DUSP4: variants seen among roughly 807,000 people sequenced by gnomAD.
DUSP4 encodes the protein dual specificity protein phosphatase 4.
A neutral mutation model predicts 27.2 loss-of-function variants in DUSP4; 12 were observed. The observed-to-expected ratio is 0.44, with a 90% confidence interval of 0.28 to 0.71. The LOEUF is 0.71. Ranked by LOEUF, DUSP4 falls within the 30% of genes least tolerant of loss-of-function variation. The pLI, the probability that DUSP4 is intolerant of heterozygous loss-of-function variation, is 0.14. For missense variants in DUSP4, 448 were observed against 551.3 expected (o/e 0.81, Z 1.88); for synonymous variants, 257 against 245.2 (o/e 1.05, Z -0.45).
At chr8:29,341,701 T>C (rs1817658115) in intron 1 of DUSP4, among the ~76,000 whole-genome samples, 1 of 152,014 alleles carries the variant, frequency 6.6e-6, no homozygotes, top group South Asian at 2.1e-4. Context: ...CTCCCTCCCA[T>C]CATAAACCCC....
intron 1 of DUSP4, chr8:29,345,503 T>C: frequency 6.3e-7 from 1 of 1,586,526 alleles, no homozygotes; most frequent in Non-Finnish European, 8.5e-7. Context: ...CAAACTGGCT[T>C]CCGTTGGAGT....
intron 1 of DUSP4, among the ~76,000 whole-genome samples, chr8:29,345,112 C>T (rs529041969): frequency 6.6e-6 from 1 of 152,326 alleles, no homozygotes; most frequent in Non-Finnish European, 1.5e-5. Flanking sequence ...TGTGAGCCAC[C>T]ACACCCGGCC....
rs1237899938 is a variant in DUSP4, at chr8:29,338,288, A to G, written c.793T>C (p.Tyr265His). The change falls in exon 3 of 4, where the codon TAC becomes CAC. Residue 265 changes from tyrosine (Y) to histidine (H), a missense_variant. Coordinates refer to ENST00000240100, the MANE Select transcript of DUSP4 (RefSeq NM_001394.7). The part of the protein sequence containing the change: ...ISSWFMEAIE[Y>H]IDAVKDCRGR... ...CAGAGCAGGGCCAGCCTACCGATGT[A>G]CTCTATGGCTTCCATGAACCAGGAG... 6.2e-7 allele frequency: 1 copy of G among 1,613,760 alleles called. No homozygotes were observed.
chr8:29,342,444 G>A (rs903447096), intron 1 of DUSP4, among the ~76,000 whole-genome samples: 1 of 152,148 alleles, frequency 6.6e-6, no homozygotes, highest in African/African-American at 2.4e-5. Context: ...TTCCCTTCTC[G>A]GTGCCTACAT....
Position 29,350,598 on chromosome 8 carries a change from T to A in DUSP4, c.-320A>T. Reference sequence around the variant, plus strand: ...TTTCGGCGACGGCCTCCCGTGTATTTTTGCCGGTCGCGCGGCTCCTGTCGC... The same window carrying A: ...TTTCGGCGACGGCCTCCCGTGTATTATTGCCGGTCGCGCGGCTCCTGTCGC... On this transcript the variant is annotated 5_prime_UTR_variant, in exon 1 of 4. Coordinates refer to ENST00000240100, the MANE Select transcript of DUSP4 (RefSeq NM_001394.7). The A allele has an allele frequency of 6.5e-6, 2 of 305,890 alleles. No individual in the cohort carries two copies. Among genetic ancestry groups the A allele is most frequent in the Non-Finnish European group, 1.2e-5 (2 of 167,392 alleles). The allele number at this position is 305,890 out of a possible 1,614,324, so 18.9% of individuals were successfully genotyped here.
In DUSP4 at chr8:29,337,593, A is replaced by G. The variant is rs923749534; in HGVS notation, c.800-182T>C. On this transcript the variant is annotated intron_variant, in intron 3 of 3. Coordinates refer to ENST00000240100, the MANE Select transcript of DUSP4 (RefSeq NM_001394.7). The surrounding 1 kb of genome is among the most constrained non-coding windows in gnomAD (Gnocchi z 6.4). ...TAGAATGCCCCCAATTCTGAGGTCT[A>G]TTTTCCCGAATCACTATGCTGAAGC... Among the ~76,000 whole-genome samples, 1 of 152,280 alleles carries G rather than the reference A, an allele frequency of 6.6e-6. No individual in the cohort carries two copies. The highest frequency in any genetic ancestry group is 1.9e-4 in the East Asian group (1 of 5,176).
chr8:29,342,966 G>A (rs1352631104), intron 1 of DUSP4, among the ~76,000 whole-genome samples: 1 of 152,122 alleles, frequency 6.6e-6, no homozygotes, highest in Admixed American at 6.5e-5. Flanking sequence ...AGGAGATCGA[G>A]ACCATCCTGG....
chr8:29,343,411 C>T (rs563167583), intron 1 of DUSP4, among the ~76,000 whole-genome samples: 2 of 152,196 alleles, frequency 1.3e-5, no homozygotes, highest in South Asian at 2.1e-4. Flanking sequence ...GAAGGTGATG[C>T]GGGAGGATGC....
At chr8:29,341,619 C>G (rs1264564650) in intron 1 of DUSP4, among the ~76,000 whole-genome samples, 1 of 152,204 alleles carries the variant, frequency 6.6e-6, no homozygotes, top group Non-Finnish European at 1.5e-5. Context: ...GGAAAACCTG[C>G]TGGTGGGGCT....
At chr8:29,338,133 A>G in intron 3 of DUSP4, 149 bp downstream of exon 3, 1 of 785,242 alleles carries the variant, frequency 1.3e-6, no homozygotes, top group Non-Finnish European at 2.0e-6. Context: ...CCAACATCCA[A>G]TGTATAAGCC....
intron 1 of DUSP4, chr8:29,345,993 C>T (rs987189421): frequency 1.3e-6 from 1 of 773,880 alleles, no homozygotes; most frequent in Admixed American, 8.9e-5. Context: ...AAAAGGTATG[C>T]AATATTGACA....
At position 29,349,864 on chromosome 8, in the gene DUSP4, C is replaced by T. The variant is rs759150099; in HGVS notation, c.415G>A (p.Asp139Asn). 1 of 1,506,122 alleles carries T rather than the reference C, an allele frequency of 6.6e-7. No homozygotes were observed. The highest frequency in any genetic ancestry group is 1.3e-5 in the South Asian group (1 of 76,040). The allele number at this position is 1,506,122 out of a possible 1,614,324, so 93.3% of individuals were successfully genotyped here. A position where few individuals can be genotyped will look rare whatever the true frequency, so the allele number is the denominator to read the frequency against. ...CGTTTACCTTTGAGCAGGCAGATGT[C>T]GGTGCGCTCGGCGTTGCGGCGCAGC... ...QALRRNAERT[D>N]ICLLKGGYER... Residue 139 changes from aspartate (D) to asparagine (N), a missense_variant, in exon 1 of 4, where the codon GAC becomes AAC. Around this residue, in one of 3 missense-constraint regions of DUSP4, gnomAD observed 345 missense variants for 394.0 expected, o/e 0.88. Coordinates refer to ENST00000240100, the MANE Select transcript of DUSP4 (RefSeq NM_001394.7).
rs557552019 is a variant in DUSP4, at chr8:29,341,107, G to A, written c.434-864C>T. Among the ~76,000 whole-genome samples, 7 of 152,212 alleles carry A rather than the reference G, an allele frequency of 4.6e-5. No homozygotes were observed. The South Asian group carries it at 1.2e-3, about 27-fold the overall frequency. ...TGTGATCTCTGGGACTTCCTTTTGC[G>A]GCCAACTTCCAATCCACAGTGCTAT... On this transcript the variant is annotated intron_variant, in intron 1 of 3. Coordinates refer to ENST00000240100, the MANE Select transcript of DUSP4 (RefSeq NM_001394.7).
At chr8:29,348,193 G>T (rs767403650) in intron 1 of DUSP4, 26 of 985,500 alleles carry the variant, frequency 2.6e-5, no homozygotes, top group South Asian at 4.7e-5. Flanking sequence ...GCTCTCCATC[G>T]GGGGGACTCG....
rs117634505 is a variant in DUSP4 at position 29,337,814 on chromosome 8, G to A, written c.800-403C>T. On this transcript the variant is annotated intron_variant, in intron 3 of 3. Coordinates refer to ENST00000240100, the MANE Select transcript of DUSP4 (RefSeq NM_001394.7). This position sits in a 1 kb window ranked among gnomAD's most constrained non-coding sequence, Gnocchi z 6.4. ...ACAAAAATACAAAAATTAGCTGGGC[G>A]TGGTGGTGCACTTGTAGTCCCAGCT... 6.7e-3 allele frequency among the ~76,000 whole-genome samples: 1,023 copies of A among 152,180 alleles called. 9 individuals carry two copies. Among genetic ancestry groups the A allele is most frequent in the Non-Finnish European group, 0.01 (706 of 67,998 alleles).
chr8:29,345,844 G>A, intron 1 of DUSP4: 1 of 1,070,848 alleles, frequency 9.3e-7, no homozygotes, highest in South Asian at 4.1e-5. Flanking sequence ...TAGTGAGTTT[G>A]CTTCATTGTA....
At chr8:29,338,604 G>C in intron 2 of DUSP4, 103 bp from the exon 3 acceptor site, 2 of 1,327,560 alleles carry the variant, frequency 1.5e-6, no homozygotes, top group South Asian at 1.4e-5. Flanking sequence ...TCCAAACCCA[G>C]GGAGAATGCC....
At position 29,350,148 on chromosome 8, in the gene DUSP4, T is replaced by G; in HGVS notation, c.131A>C (p.Lys44Thr). ...CGGTCTGCAGTCCAGCAGCAGGCACTTGCCGCCGCTCGGCAGCCCCAGGGT... is the reference window on the plus strand; with the variant it reads ...CGGTCTGCAGTCCAGCAGCAGGCACGTGCCGCCGCTCGGCAGCCCCAGGGT... ...HGTLGLPSGG[K>T]CLLLDCRPFL... Residue 44 changes from lysine (K) to threonine (T), a missense_variant, in exon 1 of 4, where the codon AAG becomes ACG. Lys to Thr is a moderately conservative substitution (Grantham distance 78). Around this residue, in one of 3 missense-constraint regions of DUSP4, gnomAD observed 345 missense variants for 394.0 expected, o/e 0.88. Transcript: ENST00000240100. 1 of 1,609,514 alleles carries G rather than the reference T, an allele frequency of 6.2e-7. No individual in the cohort carries two copies. Among genetic ancestry groups the G allele is most frequent in the South Asian group, 1.1e-5 (1 of 91,022 alleles).
In DUSP4 at chr8:29,350,239, C is replaced by T; in HGVS notation, c.40G>A (p.Val14Met). The T allele has an allele frequency of 6.3e-7, 1 of 1,599,968 alleles. No homozygotes were observed. Among genetic ancestry groups the T allele is most frequent in the East Asian group, 2.2e-5 (1 of 44,540 alleles). The change falls in exon 1 of 4, where the codon GTG (valine) becomes ATG (methionine). Residue 14 changes from valine (V) to methionine (M), a missense_variant. Coordinates refer to ENST00000240100, the MANE Select transcript of DUSP4 (RefSeq NM_001394.7). ...MEELREMDCSVLKRLMNRDEN... is the reference protein window; with the variant it reads ...MEELREMDCSMLKRLMNRDEN... The stretch of plus-strand genomic sequence containing the variant: ...TCCCGGTTCATCAGCCTTTTGAGCA[C>T]ACTGCAGTCCATCTCCCGCAGCTCC...
Sources: gnomAD v4.1 joint callset for allele counts (sites outside exome capture counted in the v4.1 genomes callset) on GRCh38, gnomAD v4.1.1 for gene constraint, gnomAD v4.1.1 regional missense constraint, Gnocchi (gnomAD v3.1) non-coding constraint, MANE v1.5 for transcripts, NCBI Gene and HGNC (gene_info 2026-07-23, HGNC 2026-07-21) for gene names.